Variants in ARHGAP5 observed in about 807,000 individuals in gnomAD.
ARHGAP5 encodes rho GTPase-activating protein 5.
A neutral mutation model predicts 116.6 loss-of-function variants in ARHGAP5; 23 were observed. The ratio of observed to expected loss-of-function variants is 0.20; its 90% CI spans 0.14 to 0.28. The LOEUF (loss-of-function observed/expected upper bound fraction) is 0.28, where lower values mean the gene tolerates loss of function less well. Ranked by LOEUF, ARHGAP5 falls within the 10% of genes least tolerant of loss-of-function variation. ARHGAP5 has a pLI of 1.00. For missense variants in ARHGAP5, 1,405 were observed against 1,774.8 expected, an observed-to-expected ratio of 0.79 and a Z score of 3.74; for synonymous variants, 574 against 602.0, an observed-to-expected ratio of 0.95 and a Z score of 0.68.
Position 32,155,104 on chromosome 14 carries a change from C to T in ARHGAP5, c.*156C>T, listed in dbSNP as rs1025096155. 4.4e-6 allele frequency: 3 copies of T among 675,474 alleles called. No individual in the cohort carries two copies. The highest frequency in any genetic ancestry group is 7.3e-6 in the Non-Finnish European group (3 of 410,814). The allele number at this position is 675,474 out of a possible 1,614,324, so 41.8% of individuals were successfully genotyped here. On this transcript the variant is annotated 3_prime_UTR_variant, in exon 7 of 7. Coordinates refer to ENST00000345122, the MANE Select transcript of ARHGAP5 (RefSeq NM_001030055.2). ...CTAGATGGTATTCCTTATTCACTTA[C>T]ATTACAAATCTAAGACCATGTGATA...
At chr14:32,109,211 A>C (rs542378743) in intron 2 of ARHGAP5, among the ~76,000 whole-genome samples, 1 of 152,156 alleles carries the variant, frequency 6.6e-6, no homozygotes, top group Non-Finnish European at 1.5e-5. Context: ...TTTTTGTTGT[A>C]GTTGATCCTG....
intron 3 of ARHGAP5, among the ~76,000 whole-genome samples, chr14:32,117,587 T>G (rs1459755733): frequency 6.6e-6 from 1 of 152,204 alleles, no homozygotes; most frequent in Non-Finnish European, 1.5e-5. Flanking sequence ...AGTGAAGAGA[T>G]ATAGTTATGG....
chr14:32,151,582 T>G (rs1881640247), intron 5 of ARHGAP5, among the ~76,000 whole-genome samples: 2 of 149,604 alleles, frequency 1.3e-5, no homozygotes, highest in African/African-American at 4.9e-5. Flanking sequence ...TCATGACACA[T>G]TAAAATTACA....
In ARHGAP5 at chr14:32,108,523, T is replaced by C. The variant is rs967214124; in HGVS notation, c.3718-8617T>C. ...TAGAGTAGGGTTATAGTTAGATTGG[T>C]CCTGGCAATAATATGAGGGAGTTCC... On this transcript the variant is annotated intron_variant, in intron 2 of 6. Coordinates refer to ENST00000345122, the MANE Select transcript of ARHGAP5 (RefSeq NM_001030055.2). Among the ~76,000 whole-genome samples, 7 of 152,108 alleles carry C rather than the reference T, an allele frequency of 4.6e-5. No homozygotes were observed. The South Asian group carries it at 1.5e-3, about 32-fold the overall frequency.
chr14:32,148,063 G>A lies in ARHGAP5; in HGVS notation c.3943+1723G>A, dbSNP rs574741362. On this transcript the variant is annotated intron_variant, in intron 4 of 6. Transcript: ENST00000345122. ...AGCTACTTGGGAGGCTGAGGCGAGA[G>A]CATCACTTGAACCCAGGAGGGGGAG... 1.5e-4 allele frequency among the ~76,000 whole-genome samples: 23 copies of A among 152,280 alleles called. No homozygotes were observed. The South Asian group carries it at 4.8e-3, about 32-fold the overall frequency.
chr14:32,110,209 T>TAAA lies in ARHGAP5; in HGVS notation c.3718-6919_3718-6917dup, dbSNP rs563872548. ...AGAGCTTAAATTGTAGCTGGGGAGA[T>TAAA]AAAAAAAAAAAAAAGATGATACGTG... On this transcript the variant is annotated intron_variant, in intron 2 of 6. Coordinates refer to ENST00000345122, the MANE Select transcript of ARHGAP5 (RefSeq NM_001030055.2). Among the ~76,000 whole-genome samples the TAAA allele has an allele frequency of 3.4e-3, 388 of 113,964 alleles. 2 individuals carry two copies. The highest frequency in any genetic ancestry group is 0.011 in the African/African-American group (360 of 32,570). 74.8% of individuals were successfully genotyped at this position (113,964 alleles called of 152,430 possible).
chr14:32,109,826 G>A (rs1013789304), intron 2 of ARHGAP5, among the ~76,000 whole-genome samples: 5 of 152,192 alleles, frequency 3.3e-5, no homozygotes, highest in East Asian at 1.9e-4. Context: ...CATGTTTCCC[G>A]TGAACATTCC....
chr14:32,106,081 A>G (rs531269559), intron 2 of ARHGAP5, among the ~76,000 whole-genome samples: 2 of 152,302 alleles, frequency 1.3e-5, no homozygotes, highest in South Asian at 2.1e-4. Flanking sequence ...CGAATACAGG[A>G]TAAGAAACTG....
intron 3 of ARHGAP5, among the ~76,000 whole-genome samples, chr14:32,130,391 T>G (rs921886482): frequency 5.2e-4 from 79 of 151,062 alleles, no homozygotes; most frequent in African/African-American, 1.8e-3. Flanking sequence ...TTTTGGGTTT[T>G]TTTTTTTTTT....
At chr14:32,133,198 T>C (rs986506127) in intron 3 of ARHGAP5, among the ~76,000 whole-genome samples, 5 of 152,234 alleles carry the variant, frequency 3.3e-5, no homozygotes, top group African/African-American at 1.2e-4. Context: ...TTTCACGATA[T>C]TGATTCTTCC....
intron 2 of ARHGAP5, among the ~76,000 whole-genome samples, chr14:32,094,742 CT>C (rs1878438614): frequency 6.6e-6 from 1 of 151,912 alleles, no homozygotes. Context: ...TTTGACATAC[CT>C]GTCTCACTCA....
intron 5 of ARHGAP5, among the ~76,000 whole-genome samples, chr14:32,150,982 TCTA>T (rs1881612180): frequency 6.6e-6 from 1 of 152,234 alleles, no homozygotes; most frequent in Admixed American, 6.5e-5. Context: ...AATACTTCTC[TCTA>T]CTATTTCCTT....
chr14:32,141,272 C>G (rs1249189542), intron 3 of ARHGAP5, among the ~76,000 whole-genome samples: 1 of 152,114 alleles, frequency 6.6e-6, no homozygotes, highest in Admixed American at 6.5e-5. Context: ...TTCTACTAAT[C>G]TCTGTCTTAA....
intron 3 of ARHGAP5, 126 bp from the exon 4 acceptor site, chr14:32,146,137 C>T (rs1420050266): frequency 1.6e-6 from 1 of 623,342 alleles, no homozygotes; most frequent in African/African-American, 1.9e-5. Context: ...GGCTCAAACT[C>T]CTGGGCCAAG....
At chr14:32,140,446 G>C (rs980841511) in intron 3 of ARHGAP5, among the ~76,000 whole-genome samples, 3 of 151,858 alleles carry the variant, frequency 2.0e-5, no homozygotes, top group Non-Finnish European at 4.4e-5. Flanking sequence ...AATTAGCCAG[G>C]TGTGTTGGCG....
intron 2 of ARHGAP5, among the ~76,000 whole-genome samples, chr14:32,104,829 A>C (rs577611628): frequency 6.6e-6 from 1 of 152,168 alleles, no homozygotes; most frequent in Non-Finnish European, 1.5e-5. Flanking sequence ...GCTATTTCCC[A>C]AACTTGAGTT....
At chr14:32,141,085 TTGTCTTAAA>T (rs1316311110) in intron 3 of ARHGAP5, among the ~76,000 whole-genome samples, 1 of 152,202 alleles carries the variant, frequency 6.6e-6, no homozygotes, top group East Asian at 1.9e-4. Flanking sequence ...GTAACAGTTT[TTGTCTTAAA>T]GTCTATTTTT....
intron 4 of ARHGAP5, among the ~76,000 whole-genome samples, chr14:32,146,805 A>G (rs1242791993): frequency 1.3e-5 from 2 of 152,230 alleles, no homozygotes; most frequent in Non-Finnish European, 2.9e-5. Context: ...AGCAAAGTCC[A>G]TCAGGCCTGG....
intron 3 of ARHGAP5, among the ~76,000 whole-genome samples, chr14:32,140,115 C>CTTTTTTTTTTTTTTTTTTTTTT (rs376976211): frequency 2.0e-4 from 5 of 25,430 alleles, no homozygotes; most frequent in African/African-American, 3.2e-4. Flanking sequence ...TTTTTTTTTC[C>CTTTTTTTTTTTTTTTTTTTTTT]TTTTTTTTTT....
Sources: gnomAD v4.1 joint callset for allele counts (sites outside exome capture counted in the v4.1 genomes callset) on GRCh38, gnomAD v4.1.1 for gene constraint, MANE v1.5 for transcripts, NCBI Gene and HGNC (gene_info 2026-07-23, HGNC 2026-07-21) for gene names.